Variants in PRDM5 observed in about 807,000 individuals in gnomAD.
PRDM5 encodes PR/SET domain 5, also known as PR domain zinc finger protein 5.
Under a neutral mutation model 81.2 loss-of-function variants are expected in PRDM5, and 56 were observed. The observed-to-expected ratio is 0.69, with a 90% confidence interval of 0.56 to 0.86. PRDM5 has a LOEUF of 0.86. PRDM5 is among the 40% of genes least tolerant of loss of function. The pLI is 0.00. For synonymous variants in PRDM5, 267 were observed against 256.4 expected (o/e 1.04, Z -0.39); for missense variants, 697 against 770.1 (o/e 0.91, Z 1.12).
At chr4:120,918,157 G>C (rs553527226) in intron 1 of PRDM5, among the ~76,000 whole-genome samples, 2 of 152,320 alleles carry the variant, frequency 1.3e-5, no homozygotes, top group Non-Finnish European at 2.9e-5. Context: ...AAAAAATATA[G>C]TTTGGAGAAA....
intron 9 of PRDM5, among the ~76,000 whole-genome samples, 195 bp downstream of exon 9, chr4:120,799,466 T>C (rs1299757921): frequency 1.3e-5 from 2 of 152,190 alleles, no homozygotes; most frequent in Non-Finnish European, 2.9e-5. Flanking sequence ...TATCATTTAC[T>C]CTAAGCACCT....
chr4:120,843,272 C>T lies in PRDM5; in HGVS notation c.300+10146G>A, dbSNP rs148158219. Reference sequence around the variant, plus strand: ...TAGCTTGAACCCAGGAGGCAGAGGTCGCAGTGAGCCGAGATTGTGCCACTG... The same window carrying T: ...TAGCTTGAACCCAGGAGGCAGAGGTTGCAGTGAGCCGAGATTGTGCCACTG... On this transcript the variant is annotated intron_variant, in intron 3 of 15. Transcript: ENST00000264808. Among the ~76,000 whole-genome samples the T allele has an allele frequency of 4.3e-4, 65 of 152,098 alleles. 1 individual carries two copies. Among genetic ancestry groups the T allele is most frequent in the East Asian group, 1.2e-3 (6 of 5,160 alleles).
At chr4:120,817,322 T>C (rs1754662469) in intron 5 of PRDM5, among the ~76,000 whole-genome samples, 1 of 152,208 alleles carries the variant, frequency 6.6e-6, no homozygotes, top group African/African-American at 2.4e-5. Context: ...AGTTGATGCA[T>C]ATAATAATAT....
Position 120,816,932 on chromosome 4 carries a change from G to C in PRDM5, c.651-8C>G, listed in dbSNP as rs749443594. On this transcript the variant is annotated splice_region_variant and splice_polypyrimidine_tract_variant and intron_variant, in intron 5 of 15. Transcript: ENST00000264808. ...GCTGTGCACTGAAGAACACTAAAGG[G>C]AAATAGGAAAAAGAGAAAGAAAAGA... 1 of 1,603,024 alleles carries C rather than the reference G, an allele frequency of 6.2e-7. No homozygotes were observed. Among genetic ancestry groups the C allele is most frequent in the African/African-American group, 1.3e-5 (1 of 74,672 alleles).
At chr4:120,804,915 G>A (rs1408902695) in intron 8 of PRDM5, among the ~76,000 whole-genome samples, 6 of 152,104 alleles carry the variant, frequency 3.9e-5, no homozygotes, top group African/African-American at 9.7e-5. Flanking sequence ...TCCAGGAGCT[G>A]GTTTTTTGAG....
At chr4:120,756,131 G>C (rs1276024676) in intron 13 of PRDM5, among the ~76,000 whole-genome samples, 1 of 152,140 alleles carries the variant, frequency 6.6e-6, no homozygotes, top group African/African-American at 2.4e-5. Context: ...TAGGACAAAG[G>C]CTTGGCAACA....
chr4:120,860,476 C>T (rs1430412040), intron 2 of PRDM5, among the ~76,000 whole-genome samples: 3 of 151,974 alleles, frequency 2.0e-5, no homozygotes, highest in East Asian at 3.9e-4. Context: ...TTTATGAAAG[C>T]GCCTAAACAG....
chr4:120,693,147 C>T lies in PRDM5; in HGVS notation c.*1964G>A, dbSNP rs1734185374. The T allele has an allele frequency of 6.6e-6, 1 of 152,078 alleles. No homozygotes were observed. Among genetic ancestry groups the T allele is most frequent in the Non-Finnish European group, 1.5e-5 (1 of 68,016 alleles). The allele number at this position is 152,078 out of a possible 1,614,324, so 9.4% of individuals were successfully genotyped here. ...TTTACTCCACAGCATAGCGACACCA[C>T]AGTTTTCAGGGTAATTTCCCCAGCA... is the stretch of plus-strand genomic sequence containing the variant. On this transcript the variant is annotated 3_prime_UTR_variant, in exon 16 of 16. Transcript: ENST00000264808.
chr4:120,830,268 G>C (rs987071433), intron 3 of PRDM5, among the ~76,000 whole-genome samples: 1 of 152,110 alleles, frequency 6.6e-6, no homozygotes. Flanking sequence ...AGTTTGGCCG[G>C]GTGACTTGCA....
intron 2 of PRDM5, among the ~76,000 whole-genome samples, chr4:120,858,448 T>A (rs1416702232): frequency 6.6e-6 from 1 of 152,176 alleles, no homozygotes; most frequent in African/African-American, 2.4e-5. Flanking sequence ...TCAGCAATGA[T>A]CATAGCTAGG....
intron 2 of PRDM5, among the ~76,000 whole-genome samples, chr4:120,874,078 TCAAA>T (rs1439540684): frequency 6.6e-6 from 1 of 152,170 alleles, no homozygotes; most frequent in African/African-American, 2.4e-5. Flanking sequence ...ATACATCACC[TCAAA>T]CATTTATCTG....
chr4:120,882,242 G>A (rs1036714877), intron 2 of PRDM5, among the ~76,000 whole-genome samples: 3 of 152,144 alleles, frequency 2.0e-5, no homozygotes, highest in African/African-American at 7.2e-5. Context: ...CCGCCTCCCG[G>A]GTTCAAGCGA....
At chr4:120,745,961 G>A (rs1053664756) in intron 14 of PRDM5, among the ~76,000 whole-genome samples, 1 of 150,524 alleles carries the variant, frequency 6.6e-6, no homozygotes, top group African/African-American at 2.5e-5. Flanking sequence ...CCAAAAAAGA[G>A]CCCGCATTTC....
At chr4:120,876,738 T>C (rs566873501) in intron 2 of PRDM5, among the ~76,000 whole-genome samples, 27 of 152,168 alleles carry the variant, frequency 1.8e-4, no homozygotes, top group Admixed American at 1.5e-3. Context: ...AATATAAGGA[T>C]TCTATTTACC....
intron 2 of PRDM5, among the ~76,000 whole-genome samples, chr4:120,883,729 A>G (rs753502314): frequency 1.7e-4 from 26 of 152,194 alleles, no homozygotes; most frequent in Non-Finnish European, 2.5e-4. Flanking sequence ...CTTAAAGTAT[A>G]ATAAAAAAAA....
intron 14 of PRDM5, 95 bp downstream of exon 14, chr4:120,754,458 A>T: frequency 3.7e-6 from 3 of 809,316 alleles, no homozygotes; most frequent in Non-Finnish European, 6.0e-6. Flanking sequence ...CTTCCAGTGT[A>T]TTGCCTTTAT....
At position 120,914,190 on chromosome 4, in the gene PRDM5, C is replaced by CA. The variant is rs200086181; in HGVS notation, c.94-6634dup. Among the ~76,000 whole-genome samples the CA allele has an allele frequency of 3.6e-3, 456 of 128,248 alleles. 3 individuals are homozygous for CA. The highest frequency in any genetic ancestry group is 0.011 in the East Asian group (48 of 4,456). 84.1% of individuals were successfully genotyped at this position (128,248 alleles called of 152,430 possible). The stretch of plus-strand genomic sequence containing the variant: ...TTTAAGGAGATTCAAATACAGCACT[C>CA]AAAAAAAAAAAAACTTTTAAGAGTT... On this transcript the variant is annotated intron_variant, in intron 1 of 15. Transcript: ENST00000264808.
rs139640530 is a variant in PRDM5 at position 120,704,805 on chromosome 4, A to C, written c.1728+5504T>G. Among the ~76,000 whole-genome samples the C allele has an allele frequency of 1.5e-3, 232 of 152,292 alleles. 1 individual carries two copies. The highest frequency in any genetic ancestry group is 6.8e-3 in the Middle Eastern group (2 of 294). ...GATCTGGAAGGATGCATCGCGGTTT[A>C]TCATGTCCTAAGCGGGGGAATGATA... On this transcript the variant is annotated intron_variant, in intron 15 of 15. Coordinates refer to ENST00000264808, the MANE Select transcript of PRDM5 (RefSeq NM_018699.4).
chr4:120,779,779 T>C (rs1015566890), intron 12 of PRDM5, among the ~76,000 whole-genome samples: 1 of 152,094 alleles, frequency 6.6e-6, no homozygotes, highest in African/African-American at 2.4e-5. Flanking sequence ...AGCAGGCACC[T>C]ATAATCCCAG....
Sources: gnomAD v4.1 joint callset for allele counts (sites outside exome capture counted in the v4.1 genomes callset) on GRCh38, gnomAD v4.1.1 for gene constraint, MANE v1.5 for transcripts, NCBI Gene and HGNC (gene_info 2026-07-23, HGNC 2026-07-21) for gene names.